Variants in GRID2 observed in about 807,000 individuals in gnomAD.
The protein encoded by GRID2 is glutamate receptor ionotropic, delta-2.
Under a neutral mutation model 114.8 loss-of-function variants are expected in GRID2, and 33 were observed. That is an observed-to-expected ratio of 0.29 (90% CI 0.22 to 0.38). The LOEUF (loss-of-function observed/expected upper bound fraction) is 0.38. Among genes scored for constraint, GRID2 ranks in the 10% least tolerant of loss-of-function variants. GRID2 has a pLI of 1.00. For synonymous variants in GRID2, 505 were observed against 449.9 expected, an observed-to-expected ratio of 1.12 and a Z score of -1.55; for missense variants, 1,184 against 1,257.7, an observed-to-expected ratio of 0.94 and a Z score of 0.89.
intron 1 of GRID2, among the ~76,000 whole-genome samples, chr4:92,438,817 T>C (rs1487502544): frequency 6.6e-6 from 1 of 152,232 alleles, no homozygotes; most frequent in East Asian, 1.9e-4. Flanking sequence ...GCTTATTCTT[T>C]TACCAATGTC....
intron 2 of GRID2, among the ~76,000 whole-genome samples, chr4:92,690,094 T>G (rs574305791): frequency 1.3e-5 from 2 of 152,182 alleles, no homozygotes; most frequent in South Asian, 4.1e-4. Context: ...TTCCTTTGCA[T>G]TCACAGCATG....
intron 1 of GRID2, among the ~76,000 whole-genome samples, chr4:92,471,657 A>C (rs574540616): frequency 6.6e-6 from 1 of 152,096 alleles, no homozygotes; most frequent in African/African-American, 2.4e-5. Flanking sequence ...ACAAATTTAA[A>C]TTGTACACTT....
intron 10 of GRID2, among the ~76,000 whole-genome samples, chr4:93,441,862 A>AC (rs1370358910): frequency 1.8e-5 from 2 of 109,438 alleles, no homozygotes; most frequent in Admixed American, 1.8e-4. Context: ...TTAACTAAGA[A>AC]CAAAAAAAAA....
chr4:92,661,131 C>T (rs141604740), intron 2 of GRID2, among the ~76,000 whole-genome samples: 2,511 of 150,792 alleles, frequency 0.017, 31 homozygotes, highest in South Asian at 0.031. Flanking sequence ...GCTAACAACA[C>T]AAGCAGAAAG....
intron 1 of GRID2, among the ~76,000 whole-genome samples, chr4:92,473,516 C>T (rs1233133260): frequency 1.3e-5 from 2 of 152,018 alleles, no homozygotes; most frequent in Non-Finnish European, 2.9e-5. Flanking sequence ...GGAAAGTATT[C>T]AATCTTCACC....
At chr4:92,504,817 A>G (rs1204492960) in intron 1 of GRID2, among the ~76,000 whole-genome samples, 1 of 152,050 alleles carries the variant, frequency 6.6e-6, no homozygotes, top group East Asian at 1.9e-4. Flanking sequence ...TTATTTTGTT[A>G]TCAAAGAGAA....
At chr4:93,719,613 A>G (rs1028634102) in intron 14 of GRID2, among the ~76,000 whole-genome samples, 1 of 152,210 alleles carries the variant, frequency 6.6e-6, no homozygotes, top group Non-Finnish European at 1.5e-5. Flanking sequence ...CCATAGGGAA[A>G]TTGAGTTTCT....
At chr4:93,433,802 A>T (rs1345039571) in intron 10 of GRID2, among the ~76,000 whole-genome samples, 1 of 152,104 alleles carries the variant, frequency 6.6e-6, no homozygotes, top group Non-Finnish European at 1.5e-5. Flanking sequence ...ATCCCACATG[A>T]CCATTCCAAA....
chr4:92,399,683 ATAC>A (rs1730691592), intron 1 of GRID2, among the ~76,000 whole-genome samples: 1 of 151,150 alleles, frequency 6.6e-6, no homozygotes, highest in Non-Finnish European at 1.5e-5. Flanking sequence ...ATATATATAT[ATAC>A]ATACATGTGT....
At chr4:93,204,822 T>A (rs1742514335) in intron 4 of GRID2, among the ~76,000 whole-genome samples, 1 of 152,126 alleles carries the variant, frequency 6.6e-6, no homozygotes, top group South Asian at 2.1e-4. Flanking sequence ...TAGTTTAAAT[T>A]TTGCCTTATC....
chr4:92,996,698 G>A (rs1053843988), intron 2 of GRID2, among the ~76,000 whole-genome samples: 1 of 152,116 alleles, frequency 6.6e-6, no homozygotes, highest in Non-Finnish European at 1.5e-5. Flanking sequence ...ACCTTTCTCT[G>A]AGATATTTTC....
chr4:93,282,757 A>G (rs190589769), intron 8 of GRID2, among the ~76,000 whole-genome samples: 3 of 152,144 alleles, frequency 2.0e-5, no homozygotes, highest in African/African-American at 4.8e-5. Context: ...TTTATAAAGA[A>G]AAGAGTTTTA....
chr4:92,395,582 G>A (rs768269286), intron 1 of GRID2, among the ~76,000 whole-genome samples: 1 of 151,504 alleles, frequency 6.6e-6, no homozygotes, highest in Non-Finnish European at 1.5e-5. Context: ...TTTCATTCTG[G>A]TCTATAACGA....
intron 12 of GRID2, among the ~76,000 whole-genome samples, chr4:93,506,425 C>A (rs528018625): frequency 6.6e-6 from 1 of 152,270 alleles, no homozygotes; most frequent in African/African-American, 2.4e-5. Context: ...CCAAACGCAT[C>A]TTATATTCTG....
In GRID2 at chr4:92,544,969, A is replaced by T. The variant is rs1015974748; in HGVS notation, c.89-45162A>T. On this transcript the variant is annotated intron_variant, in intron 1 of 15. Transcript: ENST00000282020. ...CTACTTTTACACCTTTATTCTTTTT[A>T]TGGCACCCGAGAAATACATCCCATA... is the stretch of plus-strand genomic sequence containing the variant. Among the ~76,000 whole-genome samples the T allele has an allele frequency of 1.1e-4, 16 of 152,110 alleles. No individual in the cohort carries two copies. The Middle Eastern group carries it at 0.01, about 98-fold the overall frequency.
At chr4:92,412,955 T>G (rs2110305895) in intron 1 of GRID2, among the ~76,000 whole-genome samples, 1 of 152,354 alleles carries the variant, frequency 6.6e-6, no homozygotes, top group South Asian at 2.1e-4. Context: ...TTTGTGTTAC[T>G]TCTAGTGTTC....
chr4:92,590,280 C>G lies in GRID2; in HGVS notation c.238C>G (p.Gln80Glu). ...TGGCAACAACCCTTTCCAAGCAGTTCAAGAAGGTAAGGTCATCAGTATTTA... is the reference window on the plus strand; with the variant it reads ...TGGCAACAACCCTTTCCAAGCAGTTGAAGAAGGTAAGGTCATCAGTATTTA... ...VDGNNPFQAV[Q>E]EACELMNQGI... The change falls in exon 2 of 16, where the codon CAA becomes GAA. Residue 80 changes from glutamine (Q) to glutamate (E), a missense_variant. By Grantham distance (29) the Gln-to-Glu change is conservative (BLOSUM62 2). This residue lies in a region of GRID2 where 455 missense variants were observed against 429.5 expected (regional missense o/e 1.06). Transcript: ENST00000282020. The G allele has an allele frequency of 1.2e-6, 2 of 1,610,580 alleles. No homozygotes were observed. Among genetic ancestry groups the G allele is most frequent in the Non-Finnish European group, 1.7e-6 (2 of 1,177,970 alleles).
intron 12 of GRID2, among the ~76,000 whole-genome samples, chr4:93,507,262 G>C (rs761615823): frequency 3.3e-5 from 5 of 152,136 alleles, no homozygotes; most frequent in African/African-American, 9.7e-5. Flanking sequence ...TTACAAGCTT[G>C]AGTCTGAGGT....
intron 8 of GRID2, among the ~76,000 whole-genome samples, chr4:93,266,850 G>A (rs1373444158): frequency 6.6e-6 from 1 of 152,176 alleles, no homozygotes; most frequent in African/African-American, 2.4e-5. Flanking sequence ...TAAAGTCAAT[G>A]AGAAGGTGAG....
Sources: gnomAD v4.1 joint callset for allele counts (sites outside exome capture counted in the v4.1 genomes callset) on GRCh38, gnomAD v4.1.1 for gene constraint, gnomAD v4.1.1 regional missense constraint, MANE v1.5 for transcripts, NCBI Gene and HGNC (gene_info 2026-07-23, HGNC 2026-07-21) for gene names.